MREG: variants seen among roughly 807,000 people sequenced by gnomAD.
MREG encodes melanoregulin.
A neutral mutation model predicts 28.5 loss-of-function variants in MREG; 31 were observed. That is an observed-to-expected ratio of 1.09 (90% confidence interval 0.82 to 1.47). MREG has a LOEUF of 1.47. MREG is among the 40% of genes most tolerant of loss of function. MREG has a pLI of 0.00. For missense variants in MREG, 256 were observed against 257.4 expected, an observed-to-expected ratio of 0.99 and a Z score of 0.04; for synonymous variants, 106 against 95.2, an observed-to-expected ratio of 1.11 and a Z score of -0.66.
chr2:215,961,487 G>A (rs1386423031), intron 2 of MREG, among the ~76,000 whole-genome samples: 8 of 152,014 alleles, frequency 5.3e-5, no homozygotes, highest in Non-Finnish European at 7.4e-5. Flanking sequence ...GTGCAGTGGC[G>A]CAATGTTGGC....
intron 2 of MREG, among the ~76,000 whole-genome samples, chr2:215,955,243 A>G (rs775178464): frequency 1.3e-5 from 2 of 152,268 alleles, no homozygotes; most frequent in Non-Finnish European, 2.9e-5. Context: ...TAGTATAGAC[A>G]GAAATGGAAT....
Position 215,947,025 on chromosome 2 carries a change from A to T in MREG, c.344T>A (p.Leu115Ter), listed in dbSNP as rs747165032. The change falls in exon 3 of 5, where the codon TTA becomes TAA. Residue 115 changes from leucine to a stop codon, truncating the protein, a stop_gained and splice_region_variant. Coordinates refer to ENST00000263268, the MANE Select transcript of MREG (RefSeq NM_018000.3). LOFTEE classifies it high-confidence loss of function. ...RNRWKCILEDLGFQKEADSLL... is the reference protein window; with the variant it reads ...RNRWKCILED ...TTCACAATCTCTTTTAGACTTACCT[A>T]AATCTTCTAAGATGCACTTCCATCT... 2 of 1,579,118 alleles carry T rather than the reference A, an allele frequency of 1.3e-6. No homozygotes were observed. The highest frequency in any genetic ancestry group is 2.2e-5 in the South Asian group (2 of 89,992).
chr2:215,959,848 C>T (rs906647197), intron 2 of MREG, among the ~76,000 whole-genome samples: 1 of 152,216 alleles, frequency 6.6e-6, no homozygotes, highest in Admixed American at 6.5e-5. Flanking sequence ...CAAATGCCAC[C>T]ACCTCTGAGA....
intron 1 of MREG, among the ~76,000 whole-genome samples, chr2:216,029,326 A>C (rs1449307353): frequency 2.0e-5 from 3 of 152,124 alleles, no homozygotes; most frequent in African/African-American, 7.2e-5. Flanking sequence ...AAAAATACAA[A>C]AATTAGCTGG....
At chr2:215,974,044 T>C (rs1023554644) in intron 2 of MREG, among the ~76,000 whole-genome samples, 1 of 152,190 alleles carries the variant, frequency 6.6e-6, no homozygotes, top group South Asian at 2.1e-4. Flanking sequence ...CAACAGCATA[T>C]TGGTAAAAGA....
chr2:216,023,899 CTGAAG>C (rs2105931153), intron 1 of MREG, among the ~76,000 whole-genome samples: 1 of 152,242 alleles, frequency 6.6e-6, no homozygotes, highest in South Asian at 2.1e-4. Flanking sequence ...AACTCCTGAC[CTGAAG>C]TGATCTGCCC....
intron 1 of MREG, among the ~76,000 whole-genome samples, chr2:216,010,131 G>A (rs1040209954): frequency 2.0e-5 from 3 of 152,058 alleles, no homozygotes; most frequent in African/African-American, 7.2e-5. Context: ...GTCCTCATAA[G>A]AGAAAAGAAA....
intron 1 of MREG, among the ~76,000 whole-genome samples, chr2:215,999,986 G>A (rs1054513256): frequency 6.6e-6 from 1 of 152,226 alleles, no homozygotes; most frequent in Non-Finnish European, 1.5e-5. Flanking sequence ...GGTGAGTCAA[G>A]AAAGAGAGAT....
intron 2 of MREG, among the ~76,000 whole-genome samples, chr2:215,960,651 T>C (rs549287304): frequency 1.3e-5 from 2 of 151,870 alleles, no homozygotes; most frequent in Non-Finnish European, 2.9e-5. Context: ...CTGGCTAACA[T>C]GGTGAAACCC....
chr2:216,016,282 A>G (rs979627361), upstream of MREG, among the ~76,000 whole-genome samples: 1 of 152,236 alleles, frequency 6.6e-6, no homozygotes, highest in Admixed American at 6.5e-5. Flanking sequence ...TACTGGCTGG[A>G]AAATCCCCTG....
At chr2:216,027,183 G>A (rs1248536487) in intron 1 of MREG, among the ~76,000 whole-genome samples, 1 of 152,186 alleles carries the variant, frequency 6.6e-6, no homozygotes, top group African/African-American at 2.4e-5. Context: ...AAATGTGAAC[G>A]GTGGTATAGG....
At chr2:216,020,683 G>A (rs1030712126) in intron 1 of MREG, among the ~76,000 whole-genome samples, 1 of 152,244 alleles carries the variant, frequency 6.6e-6, no homozygotes, top group African/African-American at 2.4e-5. Context: ...GGCAGGGCCA[G>A]AGAAAACATC....
intron 1 of MREG, among the ~76,000 whole-genome samples, chr2:216,010,153 GAC>G (rs1402998105): frequency 1.3e-5 from 2 of 152,072 alleles, no homozygotes; most frequent in East Asian, 1.9e-4. Context: ...GGAGATTTGA[GAC>G]ACAGAGGAGA....
intron 1 of MREG, among the ~76,000 whole-genome samples, chr2:216,026,309 G>A (rs114762568): frequency 1.3e-5 from 2 of 152,164 alleles, no homozygotes; most frequent in Admixed American, 6.5e-5. Flanking sequence ...TGAATGTGCT[G>A]AATGCCACTG....
chr2:215,995,910 C>T (rs1471928055), intron 2 of MREG, among the ~76,000 whole-genome samples: 2 of 151,844 alleles, frequency 1.3e-5, no homozygotes, highest in East Asian at 3.9e-4. Context: ...TCAGGCTTCA[C>T]TAATTCAAAA....
rs190762526 is a variant in MREG at position 215,975,815 on chromosome 2, G to A, written c.255+20491C>T. Among the ~76,000 whole-genome samples the A allele has an allele frequency of 4.1e-3, 630 of 152,290 alleles. 3 individuals are homozygous for A. Among genetic ancestry groups the A allele is most frequent in the Non-Finnish European group, 5.7e-3 (388 of 68,018 alleles). On this transcript the variant is annotated intron_variant, in intron 2 of 4. Transcript: ENST00000263268. ...AAGAAGTCTCATAGGGCCGGGCGCC[G>A]TGGCTCACACCTGTAATCCCAGCAC...
upstream of MREG, among the ~76,000 whole-genome samples, chr2:216,014,534 A>G (rs544920893): frequency 5.3e-5 from 8 of 152,062 alleles, no homozygotes; most frequent in South Asian, 1.7e-3. Flanking sequence ...CTGTAGTCCC[A>G]TCTACTCAAG....
downstream of MREG, among the ~76,000 whole-genome samples, chr2:215,941,962 T>G (rs999553183): frequency 4.6e-5 from 7 of 152,204 alleles, no homozygotes; most frequent in African/African-American, 1.7e-4. Flanking sequence ...CATCTGGCCT[T>G]CAGAACTGCC....
chr2:215,971,607 G>A (rs1559181737), intron 2 of MREG, among the ~76,000 whole-genome samples: 1 of 152,234 alleles, frequency 6.6e-6, no homozygotes, highest in Non-Finnish European at 1.5e-5. Flanking sequence ...CCCTGTGTCA[G>A]ATGAGAAGTT....
Sources: gnomAD v4.1 joint callset for allele counts (sites outside exome capture counted in the v4.1 genomes callset) on GRCh38, gnomAD v4.1.1 for gene constraint, MANE v1.5 for transcripts, NCBI Gene and HGNC (gene_info 2026-07-23, HGNC 2026-07-21) for gene names.